CENPP: variants seen among roughly 807,000 people sequenced by gnomAD.
CENPP encodes the protein centromere protein P.
CENPP carries 24 observed loss-of-function variants against 35.6 expected under a neutral mutation model. The ratio of observed to expected loss-of-function variants is 0.67; its 90% CI spans 0.49 to 0.95. The LOEUF (loss-of-function observed/expected upper bound fraction) is 0.95. Among genes scored for constraint, CENPP ranks in the 40% least tolerant of loss-of-function variants. CENPP has a pLI of 0.00. For missense variants in CENPP, 332 were observed against 345.3 expected (o/e 0.96, Z 0.31); for synonymous variants, 120 against 125.5 (o/e 0.96, Z 0.29).
rs574588556 is a variant in CENPP, at chr9:92,387,378, G to GA, written c.564+7534dup. ...GCCACAGAACGAGACTCCATCTCAAGAAAAAAAAAAAAAAATGTGTTCTTA... is the reference window on the plus strand; with the variant it reads ...GCCACAGAACGAGACTCCATCTCAAGAAAAAAAAAAAAAAAATGTGTTCTTA... On this transcript the variant is annotated intron_variant, in intron 5 of 7. Coordinates refer to ENST00000375587, the MANE Select transcript of CENPP (RefSeq NM_001012267.3). Among the ~76,000 whole-genome samples the GA allele has an allele frequency of 3.5e-3, 414 of 117,044 alleles. 1 individual carries two copies. The highest frequency in any genetic ancestry group is 4.5e-3 in the Middle Eastern group (1 of 222). The allele number at this position is 117,044 out of a possible 152,430, so 76.8% of individuals were successfully genotyped here. A position where few individuals can be genotyped will look rare whatever the true frequency, so the allele number is the denominator to read the frequency against.
Position 92,589,744 on chromosome 9 carries a change from A to G in CENPP, c.565-21570A>G, listed in dbSNP as rs369132578. Among the ~76,000 whole-genome samples, 7 of 152,258 alleles carry G rather than the reference A, an allele frequency of 4.6e-5. No homozygotes were observed. The South Asian group carries it at 1.0e-3, about 23-fold the overall frequency. ...TTTCAACTAAGCATTATACAGACCT[A>G]TTTTTTATTTAGAGCTCTTTTATTT... is the stretch of plus-strand genomic sequence containing the variant. On this transcript the variant is annotated intron_variant, in intron 5 of 7. Transcript: ENST00000375587.
rs1023098380 is a variant in CENPP, at chr9:92,379,424, G to A, written c.468-339G>A. On this transcript the variant is annotated intron_variant, in intron 4 of 7. Coordinates refer to ENST00000375587, the MANE Select transcript of CENPP (RefSeq NM_001012267.3). ...CAGGAAGTTCCAAGGGTTTTAAAGC[G>A]CTGTGCCAGAAACTGGCACTTACAT... Among the ~76,000 whole-genome samples, 15 of 152,296 alleles carry A rather than the reference G, an allele frequency of 9.8e-5. No homozygotes were observed. In the South Asian group the frequency reaches 2.1e-3, roughly 21 times the overall value.
chr9:92,518,441 T>A (rs1294883956), intron 5 of CENPP, among the ~76,000 whole-genome samples: 1 of 152,198 alleles, frequency 6.6e-6, no homozygotes, highest in Non-Finnish European at 1.5e-5. Context: ...GAGCTAGCAC[T>A]AATGATGAGC....
intron 5 of CENPP, among the ~76,000 whole-genome samples, chr9:92,444,947 A>G (rs1844514243): frequency 1.3e-5 from 2 of 152,144 alleles, no homozygotes; most frequent in African/African-American, 4.8e-5. Flanking sequence ...CAGACCAAAC[A>G]GTGGTCCAGT....
intron 5 of CENPP, among the ~76,000 whole-genome samples, chr9:92,561,252 A>G (rs1029699745): frequency 6.6e-6 from 1 of 152,202 alleles, no homozygotes; most frequent in Non-Finnish European, 1.5e-5. Flanking sequence ...CAGCACATCT[A>G]TAAGAACAAG....
intron 1 of CENPP, 69 bp downstream of exon 1, chr9:92,326,174 A>C (rs1588023089): frequency 5.5e-5 from 54 of 990,178 alleles, no homozygotes; most frequent in Non-Finnish European, 7.3e-5. Context: ...GTGAATCTCC[A>C]CAGACATCCT....
intron 5 of CENPP, among the ~76,000 whole-genome samples, chr9:92,602,599 C>G (rs1850951911): frequency 1.3e-5 from 2 of 152,290 alleles, no homozygotes; most frequent in South Asian, 4.1e-4. Context: ...AGGAGAGACG[C>G]AGTTGGGACA....
chr9:92,496,046 G>T lies in CENPP; in HGVS notation c.565-115268G>T, dbSNP rs893117164. 13 of 1,052,204 alleles carry T rather than the reference G, an allele frequency of 1.2e-5. No individual in the cohort carries two copies. In the African/African-American group the frequency reaches 2.2e-4, roughly 18 times the overall value. 65.2% of individuals were successfully genotyped at this position (1,052,204 alleles called of 1,614,324 possible). On this transcript the variant is annotated intron_variant, in intron 5 of 7. Coordinates refer to ENST00000375587, the MANE Select transcript of CENPP (RefSeq NM_001012267.3). Reference sequence around the variant, plus strand: ...TTTTGTTCCAGACTCTTCTGGTCTAGCTCAGTATGCATAATATCCTATTCT... The same window carrying T: ...TTTTGTTCCAGACTCTTCTGGTCTATCTCAGTATGCATAATATCCTATTCT...
chr9:92,586,616 AGTT>A (rs1850547864), intron 5 of CENPP, among the ~76,000 whole-genome samples: 1 of 152,206 alleles, frequency 6.6e-6, no homozygotes, highest in African/African-American at 2.4e-5. Flanking sequence ...GCTAAGGCAG[AGTT>A]GTAGGCAGGC....
intron 5 of CENPP, among the ~76,000 whole-genome samples, chr9:92,413,992 A>G (rs1244154931): frequency 6.6e-6 from 1 of 152,186 alleles, no homozygotes; most frequent in African/African-American, 2.4e-5. Context: ...TATCATTTGT[A>G]TAGGCAGCCC....
chr9:92,584,632 G>A (rs1435791949), intron 5 of CENPP, among the ~76,000 whole-genome samples: 1 of 152,118 alleles, frequency 6.6e-6, no homozygotes, highest in African/African-American at 2.4e-5. Context: ...CTGTAAGTTC[G>A]TTTTAACCAG....
intron 5 of CENPP, among the ~76,000 whole-genome samples, chr9:92,443,501 A>G (rs1456238320): frequency 6.6e-6 from 1 of 152,156 alleles, no homozygotes; most frequent in Non-Finnish European, 1.5e-5. Context: ...TCTCTCCAAA[A>G]TGATCCGAGA....
chr9:92,405,417 A>G (rs1843277967), intron 5 of CENPP, among the ~76,000 whole-genome samples: 1 of 152,148 alleles, frequency 6.6e-6, no homozygotes, highest in African/African-American at 2.4e-5. Context: ...TGAAAGAATA[A>G]CAATTTGTTT....
intron 3 of CENPP, among the ~76,000 whole-genome samples, chr9:92,342,229 T>C (rs1486964154): frequency 6.6e-6 from 1 of 152,262 alleles, no homozygotes; most frequent in Non-Finnish European, 1.5e-5. Flanking sequence ...AACAAGTTCA[T>C]GCAAAGGATG....
chr9:92,429,204 C>A (rs1844042233), intron 5 of CENPP, among the ~76,000 whole-genome samples: 3 of 152,136 alleles, frequency 2.0e-5, no homozygotes, highest in Admixed American at 2.0e-4. Flanking sequence ...CTGAATGTTT[C>A]TATTTTCCTG....
chr9:92,605,481 C>A (rs1477766873), intron 5 of CENPP, among the ~76,000 whole-genome samples: 1 of 151,926 alleles, frequency 6.6e-6, no homozygotes, highest in Non-Finnish European at 1.5e-5. Flanking sequence ...CTCTATAAAC[C>A]AGAGTATCTT....
At chr9:92,338,165 A>T (rs1840989682) in intron 3 of CENPP, among the ~76,000 whole-genome samples, 1 of 152,106 alleles carries the variant, frequency 6.6e-6, no homozygotes, top group African/African-American at 2.4e-5. Context: ...ATAAAAAATT[A>T]GCCAGGCGTG....
At chr9:92,482,077 A>T (rs1157287981) in intron 5 of CENPP, among the ~76,000 whole-genome samples, 1 of 152,158 alleles carries the variant, frequency 6.6e-6, no homozygotes, top group African/African-American at 2.4e-5. Flanking sequence ...TCACATAATT[A>T]TATTTAAAAT....
intron 5 of CENPP, among the ~76,000 whole-genome samples, chr9:92,572,872 T>G (rs1413897034): frequency 6.6e-6 from 1 of 152,356 alleles, no homozygotes; most frequent in Non-Finnish European, 1.5e-5. Context: ...TTTCTTCCAC[T>G]TGATCAAATC....
Sources: gnomAD v4.1 joint callset for allele counts (sites outside exome capture counted in the v4.1 genomes callset) on GRCh38, gnomAD v4.1.1 for gene constraint, MANE v1.5 for transcripts, NCBI Gene and HGNC (gene_info 2026-07-23, HGNC 2026-07-21) for gene names.